Variants in RPGRIP1 observed in about 807,000 individuals in gnomAD.
RPGRIP1 encodes the protein RPGR interacting protein 1.
In RPGRIP1, 128 loss-of-function variants were observed where a neutral mutation model predicts 157.9. The ratio of observed to expected loss-of-function variants is 0.81; its 90% confidence interval spans 0.70 to 0.94. RPGRIP1 has a LOEUF of 0.94. RPGRIP1 is among the 40% of genes least tolerant of loss of function. The pLI, the probability that RPGRIP1 is intolerant of heterozygous loss-of-function variation, is 0.00. For synonymous variants in RPGRIP1, 554 were observed against 571.6 expected (o/e 0.97, Z 0.44); for missense variants, 1,486 against 1,545.8 (o/e 0.96, Z 0.65).
At chr14:21,286,722 C>T (rs1276719649) in intron 1 of RPGRIP1, among the ~76,000 whole-genome samples, 1 of 151,884 alleles carries the variant, frequency 6.6e-6, no homozygotes, top group Admixed American at 6.6e-5. Flanking sequence ...TTGAACCCAG[C>T]AGGTGGAGGT....
Position 21,345,184 on chromosome 14 carries a change from C to T in RPGRIP1, c.3604C>T (p.Pro1202Ser). Residue 1202 changes from proline to serine, a missense_variant, in exon 23 of 25, where the codon CCT (proline) becomes TCT (serine). Coordinates refer to ENST00000400017, the MANE Select transcript of RPGRIP1 (RefSeq NM_020366.4). ...GTTCGACATGCTGAATGGACAAGAT[C>T]CTGATCAAGGACAGTAAGCATCTGC... ...FLFDMLNGQD[P>S]DQGHLKFTVV... 6.2e-7 allele frequency: 1 copy of T among 1,612,260 alleles called. No homozygotes were observed. Among genetic ancestry groups the T allele is most frequent in the South Asian group, 1.1e-5 (1 of 90,920 alleles).
At chr14:21,340,016 A>T (rs1263300390) in intron 21 of RPGRIP1, among the ~76,000 whole-genome samples, 1 of 152,128 alleles carries the variant, frequency 6.6e-6, no homozygotes, top group Non-Finnish European at 1.5e-5. Flanking sequence ...TTGAGGAAAG[A>T]TTTCTCTGAG....
At chr14:21,334,486 C>T in intron 20 of RPGRIP1, 119 bp from the exon 21 acceptor site, 1 of 735,258 alleles carries the variant, frequency 1.4e-6, no homozygotes, top group East Asian at 2.7e-5. Context: ...TAAGTGAAGG[C>T]AAAATCTAGA....
intron 21 of RPGRIP1, among the ~76,000 whole-genome samples, chr14:21,338,719 A>G (rs1884664586): frequency 6.6e-6 from 1 of 152,248 alleles, no homozygotes; most frequent in Non-Finnish European, 1.5e-5. Flanking sequence ...TGAATAAAAC[A>G]TCTGTGTGTA....
intron 20 of RPGRIP1, among the ~76,000 whole-genome samples, chr14:21,331,920 A>C (rs963680484): frequency 6.7e-6 from 1 of 149,018 alleles, no homozygotes; most frequent in Non-Finnish European, 1.5e-5. Context: ...CTCTAGAAGC[A>C]TTTTATATAT....
intron 12 of RPGRIP1, among the ~76,000 whole-genome samples, chr14:21,320,451 C>T (rs1321195792): frequency 6.6e-6 from 1 of 151,900 alleles, no homozygotes; most frequent in South Asian, 2.1e-4. Context: ...CCACCTCGCC[C>T]GGTTAATTTT....
At chr14:21,288,451 T>A (rs10141168) in intron 2 of RPGRIP1, among the ~76,000 whole-genome samples, 57 of 150,814 alleles carry the variant, frequency 3.8e-4, no homozygotes, top group African/African-American at 1.3e-3. Context: ...AAAGGGCTGG[T>A]ATTACAGGTG....
Position 21,288,015 on chromosome 14 carries a change from A to G in RPGRIP1, c.39A>G (p.Pro13=), listed in dbSNP as rs769066205. ...HLVDPTSGDL[P]VRDIDAIPLV... The stretch of plus-strand genomic sequence containing the variant: ...TGGACCCTACATCAGGAGACTTGCC[A>G]GTTAGAGACATAGATGCTATACCTC... The change falls in exon 2 of 25, where the codon CCA becomes CCG. Residue 13 remains proline, a synonymous_variant. Coordinates refer to ENST00000400017, the MANE Select transcript of RPGRIP1 (RefSeq NM_020366.4). 21 of 1,613,738 alleles carry G rather than the reference A, an allele frequency of 1.3e-5. No individual in the cohort carries two copies. In the South Asian group the frequency reaches 2.3e-4, roughly 18 times the overall value.
chr14:21,342,979 A>AT, intron 21 of RPGRIP1, 57 bp from the exon 22 acceptor site: 1 of 1,300,646 alleles, frequency 7.7e-7, no homozygotes, highest in African/African-American at 1.5e-5. Context: ...TGGATGGCGT[A>AT]TAAGCACTTG....
chr14:21,301,150 A>G lies in RPGRIP1; in HGVS notation c.403A>G (p.Ser135Gly), dbSNP rs1267163203. 8.8e-6 allele frequency: 14 copies of G among 1,594,314 alleles called. No individual in the cohort carries two copies. Among genetic ancestry groups the G allele is most frequent in the Admixed American group, 1.8e-5 (1 of 56,020 alleles). ...GCATTTCCACTGCGTCGGCCCTGCC[A>G]GCCCCCGCCGCGCCCAGCCTCGCGT... Reference protein sequence around the residue: ...QGHFHCVGPASPRRAQPRVQV... With the variant: ...QGHFHCVGPAGPRRAQPRVQV... The change falls in exon 4 of 25, where the codon AGC (serine) becomes GGC (glycine). Residue 135 changes from serine (S) to glycine (G), a missense_variant. Physicochemically the swap from Ser to Gly is moderately conservative, Grantham distance 56. Transcript: ENST00000400017.
At chr14:21,280,301 C>T (rs10140863) in intron 1 of RPGRIP1, among the ~76,000 whole-genome samples, 142 bp downstream of exon 1, 46,821 of 146,848 alleles carry the variant, frequency 0.32, 7,736 homozygotes, top group Admixed American at 0.38. Context: ...TGGAGTGCAC[C>T]GGCACTATCT....
intron 19 of RPGRIP1, 149 bp downstream of exon 19, chr14:21,328,776 A>G: frequency 3.2e-6 from 2 of 623,918 alleles, no homozygotes; most frequent in East Asian, 5.5e-5. Context: ...TAATCCCAGC[A>G]CTTTGGGCAG....
chr14:21,320,912 T>A (rs1041696217), intron 12 of RPGRIP1, among the ~76,000 whole-genome samples: 1 of 152,136 alleles, frequency 6.6e-6, no homozygotes, highest in African/African-American at 2.4e-5. Flanking sequence ...GAGGACACTT[T>A]TTGGAAAACT....
At chr14:21,299,030 T>C (rs1880914733) in intron 3 of RPGRIP1, among the ~76,000 whole-genome samples, 1 of 151,856 alleles carries the variant, frequency 6.6e-6, no homozygotes, top group African/African-American at 2.4e-5. Flanking sequence ...TTTTTTTTTT[T>C]TGAGATGGGA....
At chr14:21,345,071 C>A in intron 22 of RPGRIP1, 42 bp from the exon 23 acceptor site, 1 of 1,290,208 alleles carries the variant, frequency 7.8e-7, no homozygotes, top group Non-Finnish European at 1.1e-6. Context: ...CACACTGCAA[C>A]AGTATATGAT....
At chr14:21,294,645 T>C in intron 2 of RPGRIP1, 32 bp from the exon 3 acceptor site, 1 of 1,607,938 alleles carries the variant, frequency 6.2e-7, no homozygotes, top group Non-Finnish European at 8.5e-7. Flanking sequence ...GGTGTAAAAA[T>C]ACTGTCCATT....
intron 14 of RPGRIP1, among the ~76,000 whole-genome samples, chr14:21,322,652 T>A (rs1453069511): frequency 2.0e-5 from 3 of 152,196 alleles, no homozygotes; most frequent in African/African-American, 4.8e-5. Flanking sequence ...ATTCTTTCTC[T>A]CTTGCTCCTC....
chr14:21,334,795 C>T (rs1236316050), intron 21 of RPGRIP1, 90 bp downstream of exon 21: 19 of 851,822 alleles, frequency 2.2e-5, no homozygotes, highest in Non-Finnish European at 3.1e-5. Flanking sequence ...GTAATCCCAG[C>T]ACCTTGGGAG....
intron 1 of RPGRIP1, among the ~76,000 whole-genome samples, chr14:21,286,841 A>G (rs965036667): frequency 6.6e-6 from 1 of 151,870 alleles, no homozygotes; most frequent in African/African-American, 2.4e-5. Context: ...TTGGAGACAA[A>G]AGCATATACA....
Sources: allele counts gnomAD v4.1 joint callset (sites outside exome capture counted in the v4.1 genomes callset), GRCh38; gene constraint gnomAD v4.1.1; transcripts MANE v1.5; gene names NCBI Gene and HGNC (gene_info 2026-07-23, HGNC 2026-07-21).